PCDHGA1: variants seen among roughly 807,000 people sequenced by gnomAD.
PCDHGA1 encodes the protein protocadherin gamma subfamily A, 1.
PCDHGA1 carries 32 observed loss-of-function variants against 58.0 expected under a neutral mutation model. The ratio of observed to expected loss-of-function variants is 0.55; its 90% CI spans 0.42 to 0.74. The LOEUF is 0.74. Among genes scored for constraint, PCDHGA1 ranks in the 30% least tolerant of loss-of-function variants. The pLI is 0.00. For synonymous variants in PCDHGA1, 498 were observed against 501.1 expected (o/e 0.99, Z 0.08); for missense variants, 1,205 against 1,182.3 (o/e 1.02, Z -0.28).
chr5:141,427,887 C>A (rs759734297), intron 1 of PCDHGA1: 2 of 1,565,908 alleles, frequency 1.3e-6, no homozygotes, highest in Admixed American at 1.7e-5. Flanking sequence ...GGCCCACGAC[C>A]AGGGCTCGCC....
At chr5:141,419,203 C>A in intron 1 of PCDHGA1, 1 of 1,613,988 alleles carries the variant, frequency 6.2e-7, no homozygotes, top group South Asian at 1.1e-5. Context: ...TCAATGACAA[C>A]GCGCCGGTTT....
chr5:141,352,536 C>T lies in PCDHGA1; in HGVS notation c.2421+19431C>T. ...TGTATTGCCTCTCATTCTGCAAAGA[C>T]AGAGTTTAATTCTCTCAACCTGACA... On this transcript the variant is annotated intron_variant, in intron 1 of 3. Coordinates refer to ENST00000517417, the MANE Select transcript of PCDHGA1 (RefSeq NM_018912.3). 6.2e-7 allele frequency: 1 copy of T among 1,614,032 alleles called. No homozygotes were observed.
chr5:141,343,313 G>C (rs568916590), intron 1 of PCDHGA1: 1 of 975,782 alleles, frequency 1.0e-6, no homozygotes, highest in Admixed American at 6.2e-5. Context: ...GCTGATTTCT[G>C]TGTGTTTCTT....
intron 1 of PCDHGA1, chr5:141,408,899 A>G (rs1379621758): frequency 1.2e-6 from 2 of 1,613,316 alleles, no homozygotes; most frequent in Non-Finnish European, 8.5e-7. Context: ...AATTTCTGTC[A>G]AGGATACCAA....
At chr5:141,378,339 A>G (rs62378424) in intron 1 of PCDHGA1, 5,525 of 152,288 alleles carry the variant, frequency 0.036, 122 homozygotes, top group Middle Eastern at 0.092. Flanking sequence ...CCTGACCAAC[A>G]TGGTGAAACC....
chr5:141,395,057 T>A (rs2093157144), intron 1 of PCDHGA1: 1 of 1,614,042 alleles, frequency 6.2e-7, no homozygotes, highest in Non-Finnish European at 8.5e-7. Context: ...AGGTACAGGC[T>A]TTCCTGCAGA....
At chr5:141,383,499 G>A (rs1779188122) in intron 1 of PCDHGA1, 1 of 1,612,970 alleles carries the variant, frequency 6.2e-7, no homozygotes. Flanking sequence ...AGCGGGTGCT[G>A]GACCGGGAGG....
intron 1 of PCDHGA1, chr5:141,423,165 C>T (rs1307049367): frequency 6.8e-6 from 11 of 1,613,434 alleles, no homozygotes; most frequent in Admixed American, 3.3e-5. Context: ...TCGTGGTGGC[C>T]GTCCAGGACC....
intron 1 of PCDHGA1, chr5:141,360,160 G>C (rs1368478719): frequency 2.5e-6 from 4 of 1,606,014 alleles, no homozygotes; most frequent in Non-Finnish European, 3.4e-6. Flanking sequence ...AGGGAGGTGC[G>C]GGCTGGTGCG....
chr5:141,494,323 A>T (rs1188768690), intron 1 of PCDHGA1, among the ~76,000 whole-genome samples: 1 of 152,210 alleles, frequency 6.6e-6, no homozygotes, highest in Non-Finnish European at 1.5e-5. Flanking sequence ...CCTGGCACCA[A>T]AAGGGTTACC....
At chr5:141,403,674 T>C in intron 1 of PCDHGA1, 2 of 1,613,812 alleles carry the variant, frequency 1.2e-6, no homozygotes, top group South Asian at 2.2e-5. Flanking sequence ...AATGCCCCGG[T>C]TTTTGCTCAA....
At chr5:141,396,683 T>G (rs1445621329) in intron 1 of PCDHGA1, 1 of 152,136 alleles carries the variant, frequency 6.6e-6, no homozygotes, top group Non-Finnish European at 1.5e-5. Context: ...ATTGTATTCC[T>G]GCATACCTTC....
chr5:141,463,814 C>T (rs1359662651), intron 1 of PCDHGA1, among the ~76,000 whole-genome samples: 7 of 152,188 alleles, frequency 4.6e-5, no homozygotes, highest in African/African-American at 1.7e-4. Flanking sequence ...GCTTTTATCA[C>T]ACATTTTGAT....
Position 141,381,340 on chromosome 5 carries a change from T to C in PCDHGA1, c.2421+48235T>C, listed in dbSNP as rs1777123842. 2.0e-5 allele frequency among the ~76,000 whole-genome samples: 3 copies of C among 152,250 alleles called. No homozygotes were observed. The South Asian group carries it at 6.2e-4, about 31-fold the overall frequency. On this transcript the variant is annotated intron_variant, in intron 1 of 3. Transcript: ENST00000517417. ...CTGCAACTATGTGAAAGGAGCTTTC[T>C]TTTCTTTCTGCTAGCAGAGGGTAGC...
chr5:141,419,729 G>T (rs1436631336), intron 1 of PCDHGA1: 1 of 1,613,758 alleles, frequency 6.2e-7, no homozygotes, highest in Admixed American at 1.7e-5. Context: ...GCTGCGAACA[G>T]GCGAGGTGCG....
chr5:141,393,259 G>C (rs1561641378), intron 1 of PCDHGA1: 1 of 1,613,874 alleles, frequency 6.2e-7, no homozygotes, highest in Admixed American at 1.7e-5. Flanking sequence ...GCGGTTCCTG[G>C]AGCACGTTAT....
Position 141,476,364 on chromosome 5 carries a change from C to T in PCDHGA1, c.2422-18443C>T, listed in dbSNP as rs1462808655. The T allele has an allele frequency of 6.2e-7, 1 of 1,614,036 alleles. No homozygotes were observed. The highest frequency in any genetic ancestry group is 8.5e-7 in the Non-Finnish European group (1 of 1,180,026). Reference sequence around the variant, plus strand: ...AGATTCTTTGAGGTGAACCGGGAGACCGGAGAGATGTTTGTGAACGACCGT... The same window carrying T: ...AGATTCTTTGAGGTGAACCGGGAGATCGGAGAGATGTTTGTGAACGACCGT... On this transcript the variant is annotated intron_variant, in intron 1 of 3. Coordinates refer to ENST00000517417, the MANE Select transcript of PCDHGA1 (RefSeq NM_018912.3). This position sits in a 1 kb window ranked among gnomAD's most constrained non-coding sequence, Gnocchi z 7.6.
intron 1 of PCDHGA1, among the ~76,000 whole-genome samples, chr5:141,373,691 T>G (rs1588722666): frequency 6.6e-6 from 1 of 152,234 alleles, no homozygotes; most frequent in Admixed American, 6.5e-5. Flanking sequence ...TCAGAGAACA[T>G]TTAAAATTAT....
In PCDHGA1 at chr5:141,432,113, T is replaced by G. The variant is rs1174697940; in HGVS notation, c.2422-62694T>G. 1 of 1,614,078 alleles carries G rather than the reference T, an allele frequency of 6.2e-7. No homozygotes were observed. The highest frequency in any genetic ancestry group is 8.5e-7 in the Non-Finnish European group (1 of 1,180,006). On this transcript the variant is annotated intron_variant, in intron 1 of 3. Coordinates refer to ENST00000517417, the MANE Select transcript of PCDHGA1 (RefSeq NM_018912.3). The surrounding 1 kb of genome is among the most constrained non-coding windows in gnomAD (Gnocchi z 6.0). ...AGACACCAACGACAACCCGCCGGTC[T>G]TCCCTCAGGCCTCCTATTCCGCTTA... is the stretch of plus-strand genomic sequence containing the variant.
Sources: allele counts gnomAD v4.1 joint callset (sites outside exome capture counted in the v4.1 genomes callset), GRCh38; gene constraint gnomAD v4.1.1; non-coding constraint Gnocchi (gnomAD v3.1); transcripts MANE v1.5; gene names NCBI Gene and HGNC (gene_info 2026-07-23, HGNC 2026-07-21).